PREX2: variants seen among roughly 807,000 people sequenced by gnomAD.
PREX2 encodes phosphatidylinositol-3,4,5-trisphosphate dependent Rac exchange factor 2.
In PREX2, 107 loss-of-function variants were observed where a neutral mutation model predicts 203.2. The ratio of observed to expected loss-of-function variants is 0.53; its 90% CI spans 0.45 to 0.62. The LOEUF (loss-of-function observed/expected upper bound fraction) is 0.62. Among genes scored for constraint, PREX2 ranks in the 20% least tolerant of loss-of-function variants. PREX2 has a pLI of 0.00. For missense variants in PREX2, 1,777 were observed against 1,955.9 expected (o/e 0.91, Z 1.72); for synonymous variants, 672 against 663.6 (o/e 1.01, Z -0.19).
rs749938352 is a variant in PREX2 at position 68,053,144 on chromosome 8, C to T, written c.991C>T (p.His331Tyr). ...GHIVVNGWKIHNTAKNKWFVC... is the reference protein window; with the variant it reads ...GHIVVNGWKIYNTAKNKWFVC... ...CATTGTTGTTAATGGATGGAAGATA[C>T]ATAACACAGCAAAAAATAAATGGTT... Residue 331 changes from histidine (H) to tyrosine (Y), a missense_variant, in exon 9 of 40, where the codon CAT becomes TAT. His to Tyr is a moderately conservative substitution (Grantham distance 83). Coordinates refer to ENST00000288368, the MANE Select transcript of PREX2 (RefSeq NM_024870.4). 1.9e-6 allele frequency: 3 copies of T among 1,613,312 alleles called. No homozygotes were observed. The highest frequency in any genetic ancestry group is 1.1e-5 in the South Asian group (1 of 91,056).
chr8:68,133,898 G>T lies in PREX2; in HGVS notation c.3767-161G>T, dbSNP rs75101934. ...TTAGTGTTTTCTGTAAAGCATATTT[G>T]CTAGAATGTGTGTGGTCATTTATAG... is the stretch of plus-strand genomic sequence containing the variant. On this transcript the variant is annotated intron_variant, in intron 31 of 39. Transcript: ENST00000288368. Among the ~76,000 whole-genome samples the T allele has an allele frequency of 5.7e-4, 87 of 152,288 alleles. 1 individual carries two copies. The highest frequency in any genetic ancestry group is 2.1e-3 in the African/African-American group (87 of 41,552).
At chr8:68,166,938 GA>G (rs896902036) in intron 35 of PREX2, among the ~76,000 whole-genome samples, 9 of 151,508 alleles carry the variant, frequency 5.9e-5, no homozygotes, top group Non-Finnish European at 8.8e-5. Context: ...GGGTGACAGA[GA>G]AAAAAAATCA....
intron 35 of PREX2, among the ~76,000 whole-genome samples, chr8:68,190,241 T>G (rs529046573): frequency 6.6e-6 from 1 of 152,344 alleles, no homozygotes; most frequent in Admixed American, 6.5e-5. Flanking sequence ...CAACTCACTC[T>G]AATATCATGG....
intron 1 of PREX2, among the ~76,000 whole-genome samples, chr8:67,977,909 C>T (rs7818083): frequency 0.34 from 52,351 of 151,920 alleles, 9,425 homozygotes; most frequent in East Asian, 0.6. Flanking sequence ...TGACTGTTTA[C>T]CTGTATCTTT....
chr8:68,204,493 C>T (rs1259624242), intron 37 of PREX2, among the ~76,000 whole-genome samples: 5 of 151,898 alleles, frequency 3.3e-5, no homozygotes, highest in Non-Finnish European at 5.9e-5. Context: ...CCCTTCAATT[C>T]GATTGCTTTT....
At chr8:68,122,206 A>T (rs1330405480) in intron 30 of PREX2, among the ~76,000 whole-genome samples, 1 of 152,140 alleles carries the variant, frequency 6.6e-6, no homozygotes, top group Admixed American at 6.5e-5. Flanking sequence ...GCATAGACTT[A>T]TACTCAAATA....
At chr8:68,080,416 A>T in intron 15 of PREX2, 27 bp from the exon 16 acceptor site, 1 of 1,603,948 alleles carries the variant, frequency 6.2e-7, no homozygotes, top group South Asian at 1.1e-5. Context: ...ATTAGCTGAA[A>T]TAATTTGCAT....
intron 13 of PREX2, among the ~76,000 whole-genome samples, chr8:68,070,176 T>C (rs550429545): frequency 6.6e-6 from 1 of 151,906 alleles, no homozygotes; most frequent in East Asian, 1.9e-4. Flanking sequence ...TAAATTATAG[T>C]TGATTGATTG....
chr8:68,193,357 G>A (rs562108239), intron 37 of PREX2, among the ~76,000 whole-genome samples: 1 of 152,144 alleles, frequency 6.6e-6, no homozygotes, highest in South Asian at 2.1e-4. Flanking sequence ...TACATGCACA[G>A]AACATGCAGT....
At position 68,060,838 on chromosome 8, in the gene PREX2, T is replaced by C. The variant is rs1404489749; in HGVS notation, c.1339+59T>C. On this transcript the variant is annotated intron_variant, in intron 11 of 39. Coordinates refer to ENST00000288368, the MANE Select transcript of PREX2 (RefSeq NM_024870.4). ...CATTTATTGGCCATATGTATCTTAA[T>C]CCCATTTATCAGTTTAGTTTACAAT... The C allele has an allele frequency of 9.8e-6, 11 of 1,126,972 alleles. No individual in the cohort carries two copies. The African/African-American group carries it at 1.7e-4, about 18-fold the overall frequency. The allele number at this position is 1,126,972 out of a possible 1,614,324, so 69.8% of individuals were successfully genotyped here.
chr8:68,224,133 T>C (rs1186470681), intron 38 of PREX2, among the ~76,000 whole-genome samples: 2 of 152,076 alleles, frequency 1.3e-5, no homozygotes, highest in East Asian at 3.9e-4. Context: ...ATCCTCCCAC[T>C]TTAGCCTTTC....
intron 10 of PREX2, 138 bp from the exon 11 acceptor site, chr8:68,060,541 T>A (rs1361258400): frequency 1.6e-6 from 1 of 616,214 alleles, no homozygotes; most frequent in East Asian, 2.9e-5. Flanking sequence ...TGTGAAAAAA[T>A]AATCTGTTGA....
intron 35 of PREX2, among the ~76,000 whole-genome samples, chr8:68,163,720 G>A (rs1811697287): frequency 6.6e-6 from 1 of 152,058 alleles, no homozygotes; most frequent in African/African-American, 2.4e-5. Context: ...ACAAAGAAAG[G>A]GAAACACCAT....
At chr8:68,033,044 T>C (rs1313393180) in intron 6 of PREX2, among the ~76,000 whole-genome samples, 1 of 152,204 alleles carries the variant, frequency 6.6e-6, no homozygotes, top group Admixed American at 6.5e-5. Context: ...TATGGGTGGA[T>C]TATTCTCTCA....
At chr8:68,038,517 G>A (rs1268965073) in intron 7 of PREX2, among the ~76,000 whole-genome samples, 4 of 152,118 alleles carry the variant, frequency 2.6e-5, no homozygotes, top group Non-Finnish European at 5.9e-5. Context: ...GTCATCTGAT[G>A]ATGCTGGGTC....
intron 33 of PREX2, among the ~76,000 whole-genome samples, chr8:68,142,786 A>G (rs1811253072): frequency 6.6e-6 from 1 of 152,208 alleles, no homozygotes; most frequent in African/African-American, 2.4e-5. Context: ...CTTTAGTGAT[A>G]AGGAAACTAC....
At chr8:68,105,567 T>G (rs1175849630) in intron 23 of PREX2, 1 of 1,098,142 alleles carries the variant, frequency 9.1e-7, no homozygotes, top group African/African-American at 1.6e-5. Context: ...CATTTCCTTT[T>G]CAGCTTGTAC....
chr8:68,009,472 T>C (rs1441860816), intron 1 of PREX2, among the ~76,000 whole-genome samples: 2 of 152,168 alleles, frequency 1.3e-5, no homozygotes, highest in East Asian at 1.9e-4. Flanking sequence ...TATATAAGTA[T>C]TTGTATAATA....
At chr8:67,960,688 C>T (rs1805610584) in intron 1 of PREX2, among the ~76,000 whole-genome samples, 1 of 152,058 alleles carries the variant, frequency 6.6e-6, no homozygotes, top group African/African-American at 2.4e-5. Flanking sequence ...CGTTCTTCCT[C>T]TATGAAGTTG....
Sources: allele counts gnomAD v4.1 joint callset (sites outside exome capture counted in the v4.1 genomes callset), GRCh38; gene constraint gnomAD v4.1.1; transcripts MANE v1.5; gene names NCBI Gene and HGNC (gene_info 2026-07-23, HGNC 2026-07-21).